The following EPHB2 variants were observed in gnomAD, a reference collection of about 807,000 sequenced individuals.
The protein encoded by EPHB2 is EPH receptor B2.
Under a neutral mutation model 96.4 loss-of-function variants are expected in EPHB2, and 18 were observed. That is an observed-to-expected ratio of 0.19 (90% CI 0.13 to 0.28). EPHB2 has a LOEUF of 0.28. EPHB2 is among the 10% of genes least tolerant of loss of function. The pLI is 1.00. For synonymous variants in EPHB2, 506 were observed against 534.1 expected, an observed-to-expected ratio of 0.95 and a Z score of 0.72; for missense variants, 989 against 1,355.4, an observed-to-expected ratio of 0.73 and a Z score of 4.25.
At chr1:22,713,471 G>A (rs749589223) in intron 1 of EPHB2, among the ~76,000 whole-genome samples, 4 of 152,144 alleles carry the variant, frequency 2.6e-5, no homozygotes, top group Non-Finnish European at 4.4e-5. Context: ...TGATGACAGC[G>A]CCTGTCCTGC....
rs1256995504 is a variant in EPHB2 at position 22,917,237 on chromosome 1, CAG to C, written c.*3668_*3669del. ...TGCTAGCCTCACACTCCTCTCCCAT[CAG>C]GGGCTCATCTCCAAAAGGCTGGGAG... On this transcript the variant is annotated 3_prime_UTR_variant, in exon 16 of 16. Transcript: ENST00000374630. 1 of 152,292 alleles carries C rather than the reference CAG, an allele frequency of 6.6e-6. No homozygotes were observed. Among genetic ancestry groups the C allele is most frequent in the Non-Finnish European group, 1.5e-5 (1 of 68,128 alleles). 9.4% of individuals were successfully genotyped at this position (152,292 alleles called of 1,614,324 possible). A position where few individuals can be genotyped will look rare whatever the true frequency, so the allele number is the denominator to read the frequency against.
At chr1:22,765,596 C>T (rs918490168) in intron 1 of EPHB2, among the ~76,000 whole-genome samples, 2 of 151,212 alleles carry the variant, frequency 1.3e-5, no homozygotes, top group Non-Finnish European at 2.9e-5. Flanking sequence ...CCGGCATTCT[C>T]CTTTGCTGGA....
At chr1:22,852,029 A>G (rs1274954318) in intron 3 of EPHB2, among the ~76,000 whole-genome samples, 4 of 152,216 alleles carry the variant, frequency 2.6e-5, no homozygotes, top group Non-Finnish European at 5.9e-5. Flanking sequence ...CCAGCTACCT[A>G]TCTGGAGTTG....
intron 1 of EPHB2, among the ~76,000 whole-genome samples, chr1:22,760,793 G>A (rs1434590831): frequency 6.6e-6 from 1 of 152,176 alleles, no homozygotes; most frequent in Non-Finnish European, 1.5e-5. Context: ...CAGGAAAGTG[G>A]CCTTAGATCA....
At chr1:22,830,372 A>T (rs190657734) in intron 3 of EPHB2, among the ~76,000 whole-genome samples, 1 of 152,260 alleles carries the variant, frequency 6.6e-6, no homozygotes, top group South Asian at 2.1e-4. Context: ...CGCACCAGGG[A>T]AAGGGCCAGA....
rs189300000 is a variant in EPHB2, at chr1:22,854,504, C to A, written c.812-8533C>A. On this transcript the variant is annotated intron_variant, in intron 3 of 15. Coordinates refer to ENST00000374630, the MANE Select transcript of EPHB2 (RefSeq NM_017449.5). ...TGCAGCCTGGGTGATAGAGTGAGAA[C>A]CTGTCTCAAAAGAAAGAAAAAAAAT... 6.0e-3 allele frequency among the ~76,000 whole-genome samples: 911 copies of A among 152,194 alleles called. 5 individuals carry two copies. Among genetic ancestry groups the A allele is most frequent in the Non-Finnish European group, 9.7e-3 (660 of 68,006 alleles).
chr1:22,829,911 C>G (rs1645278963), intron 3 of EPHB2, among the ~76,000 whole-genome samples: 1 of 152,136 alleles, frequency 6.6e-6, no homozygotes, highest in Non-Finnish European at 1.5e-5. Flanking sequence ...GTTTGGGCAG[C>G]AATGAAGGCT....
In EPHB2 at chr1:22,858,147, C is replaced by T. The variant is rs1027091992; in HGVS notation, c.812-4890C>T. 1.3e-5 allele frequency among the ~76,000 whole-genome samples: 2 copies of T among 151,972 alleles called. No homozygotes were observed. The highest frequency in any genetic ancestry group is 2.4e-5 in the African/African-American group (1 of 41,382). ...GACGGGAAGAGCAGGGAAAGCCTTC[C>T]GGGCAGAGGGAACAGCTTGGCCAAA... is the stretch of plus-strand genomic sequence containing the variant. On this transcript the variant is annotated intron_variant, in intron 3 of 15. Transcript: ENST00000374630. The surrounding 1 kb of genome is among the most constrained non-coding windows in gnomAD (Gnocchi z 7.7).
chr1:22,783,444 T>C (rs1442913790), intron 2 of EPHB2, among the ~76,000 whole-genome samples: 1 of 152,154 alleles, frequency 6.6e-6, no homozygotes, highest in East Asian at 1.9e-4. Context: ...CCACTGACAC[T>C]GGCCCAAGAG....
At chr1:22,834,406 C>T (rs372473205) in intron 3 of EPHB2, among the ~76,000 whole-genome samples, 8 of 152,132 alleles carry the variant, frequency 5.3e-5, no homozygotes, top group East Asian at 3.8e-4. Context: ...TCCATGACTT[C>T]GGACGATTAA....
chr1:22,741,127 G>T (rs1035837486), intron 1 of EPHB2, among the ~76,000 whole-genome samples: 4 of 151,948 alleles, frequency 2.6e-5, no homozygotes, highest in African/African-American at 9.7e-5. Flanking sequence ...GACCACCCCT[G>T]CCCCGACCCC....
At chr1:22,800,786 A>G (rs1192874383) in intron 3 of EPHB2, among the ~76,000 whole-genome samples, 1 of 151,560 alleles carries the variant, frequency 6.6e-6, no homozygotes, top group Non-Finnish European at 1.5e-5. Context: ...ACACACACAC[A>G]CACACACACA....
intron 5 of EPHB2, among the ~76,000 whole-genome samples, chr1:22,880,740 C>T (rs986130954): frequency 1.3e-5 from 2 of 152,242 alleles, no homozygotes; most frequent in Non-Finnish European, 2.9e-5. Flanking sequence ...GGGTGATACA[C>T]CCTCTCATCA....
chr1:22,759,192 G>A (rs549850700), intron 1 of EPHB2, among the ~76,000 whole-genome samples: 13 of 152,190 alleles, frequency 8.5e-5, no homozygotes, highest in African/African-American at 3.1e-4. Flanking sequence ...CATGAAGCTT[G>A]ACTTGGAGGC....
intron 3 of EPHB2, among the ~76,000 whole-genome samples, chr1:22,819,838 C>T (rs1645128442): frequency 6.7e-6 from 1 of 149,010 alleles, no homozygotes; most frequent in Non-Finnish European, 1.5e-5. Flanking sequence ...TTTAATGGAG[C>T]TTTGGTTTTC....
intron 3 of EPHB2, among the ~76,000 whole-genome samples, chr1:22,808,830 G>A (rs1320399734): frequency 1.3e-5 from 2 of 152,166 alleles, no homozygotes; most frequent in Non-Finnish European, 2.9e-5. Flanking sequence ...GATGTGCAGG[G>A]CCAAGATTCA....
intron 3 of EPHB2, among the ~76,000 whole-genome samples, chr1:22,827,350 C>T (rs1557698569): frequency 6.6e-6 from 1 of 152,256 alleles, no homozygotes; most frequent in Non-Finnish European, 1.5e-5. Context: ...GTGTGCTCTG[C>T]TCCCAACCTG....
intron 8 of EPHB2, 122 bp downstream of exon 8, chr1:22,895,702 A>G: frequency 1.1e-6 from 1 of 935,332 alleles, no homozygotes; most frequent in South Asian, 1.5e-5. Context: ...GCAGGGAGAG[A>G]TGTGGGTAGG....
At chr1:22,723,571 T>C (rs549158502) in intron 1 of EPHB2, among the ~76,000 whole-genome samples, 1 of 152,350 alleles carries the variant, frequency 6.6e-6, no homozygotes, top group Admixed American at 6.5e-5. Context: ...GAAAGGGTGA[T>C]GAGGCTGGGC....
Sources: gnomAD v4.1 joint callset for allele counts (sites outside exome capture counted in the v4.1 genomes callset) on GRCh38, gnomAD v4.1.1 for gene constraint, Gnocchi (gnomAD v3.1) non-coding constraint, MANE v1.5 for transcripts, NCBI Gene and HGNC (gene_info 2026-07-23, HGNC 2026-07-21) for gene names.